LTBP2: variants seen among roughly 807,000 people sequenced by gnomAD.
LTBP2 encodes the protein latent transforming growth factor beta binding protein 2.
A neutral mutation model predicts 210.6 loss-of-function variants in LTBP2; 103 were observed. That is an observed-to-expected ratio of 0.49 (90% CI 0.42 to 0.58). The LOEUF is 0.58. Among genes scored for constraint, LTBP2 ranks in the 20% least tolerant of loss-of-function variants. The pLI is 0.00. For missense variants in LTBP2, 2,313 were observed against 2,494.5 expected (o/e 0.93, Z 1.55); for synonymous variants, 1,007 against 1,015.0 (o/e 0.99, Z 0.15).
chr14:74,509,435 G>A (rs1449013965), intron 21 of LTBP2, 72 bp from the exon 22 acceptor site: 13 of 1,602,622 alleles, frequency 8.1e-6, no homozygotes, highest in East Asian at 6.7e-5. Flanking sequence ...GAACCTCACC[G>A]TGGCTTCCCT....
At chr14:74,568,285 A>G (rs1396953996) in intron 3 of LTBP2, among the ~76,000 whole-genome samples, 2 of 152,158 alleles carry the variant, frequency 1.3e-5, no homozygotes, top group Non-Finnish European at 2.9e-5. Context: ...GCATGCGAGC[A>G]TTTCATAACA....
chr14:74,611,648 G>A lies in LTBP2; in HGVS notation c.297C>T (p.Thr99=). The change falls in exon 1 of 36, where the codon ACC becomes ACT. Residue 99 remains threonine (T), a synonymous_variant. Coordinates refer to ENST00000261978, the MANE Select transcript of LTBP2 (RefSeq NM_000428.3). ...GGGACGGCCTCCTGGCCTCCGCCTC[G>A]GTGGGCCTCCTGGGGCTCCCCCAGC... ...QPGWGSPRRP[T]EAEARRPSRA... is the part of the protein sequence containing the mutation. 1 of 1,557,804 alleles carries A rather than the reference G, an allele frequency of 6.4e-7. No individual in the cohort carries two copies.
At position 74,525,131 on chromosome 14, in the gene LTBP2, G is replaced by A; in HGVS notation, c.2523C>T (p.Ser841=). 7.5e-7 allele frequency: 1 copy of A among 1,328,592 alleles called. No homozygotes were observed. Among genetic ancestry groups the A allele is most frequent in the Non-Finnish European group, 9.7e-7 (1 of 1,029,544 alleles). The allele number at this position is 1,328,592 out of a possible 1,614,324, so 82.3% of individuals were successfully genotyped here. Residue 841 remains serine (S), a synonymous_variant, in exon 15 of 36, where the codon AGC becomes AGT. Coordinates refer to ENST00000261978, the MANE Select transcript of LTBP2 (RefSeq NM_000428.3). ...TPSTDVLVTL[S]TPGIDRCAAG... ...AGGTCTGGCTGCAGCTACCTGGGGT[G>A]CTCAGGGTCACCAGCACATCAGTGG...
intron 8 of LTBP2, among the ~76,000 whole-genome samples, chr14:74,541,834 G>A (rs1386669779): frequency 6.6e-6 from 1 of 152,148 alleles, no homozygotes; most frequent in Admixed American, 6.5e-5. Flanking sequence ...AGTGCTCCAC[G>A]ATGTGCATAA....
Position 74,551,258 on chromosome 14 carries a change from C to A in LTBP2, c.1492G>T (p.Val498Leu), listed in dbSNP as rs1300686724. 3 of 1,610,924 alleles carry A rather than the reference C, an allele frequency of 1.9e-6. No homozygotes were observed. Among genetic ancestry groups the A allele is most frequent in the Non-Finnish European group, 8.5e-7 (1 of 1,178,924 alleles). ...CTGTTCTCCACTAGGGCCTCCTCCA[C>A]CCCGCCCCGCACCTGGGCCACCTGG... ...IHQVAQVRGG[V>L]EEALVENSVE... is the part of the protein sequence containing the mutation. The change falls in exon 7 of 36, where the codon GTG (valine) becomes TTG (leucine). Residue 498 changes from valine to leucine, a missense_variant. Physicochemically the swap from Val to Leu is conservative, Grantham distance 32 (BLOSUM62 1). Around this residue, in one of 3 missense-constraint regions of LTBP2, gnomAD observed 1,867 missense variants for 1,976.9 expected, o/e 0.94. Coordinates refer to ENST00000261978, the MANE Select transcript of LTBP2 (RefSeq NM_000428.3).
intron 15 of LTBP2, among the ~76,000 whole-genome samples, chr14:74,523,570 G>A (rs780682734): frequency 5.3e-5 from 8 of 152,114 alleles, no homozygotes; most frequent in Admixed American, 3.9e-4. Flanking sequence ...GTGATGGGGT[G>A]AGAAGTGGGG....
At chr14:74,534,114 T>C (rs2087388080) in intron 9 of LTBP2, among the ~76,000 whole-genome samples, 2 of 152,148 alleles carry the variant, frequency 1.3e-5, no homozygotes, top group African/African-American at 4.8e-5. Context: ...GGGAAGGTGC[T>C]ACTGAGAAAT....
At chr14:74,546,992 G>A (rs1256226115) in intron 8 of LTBP2, among the ~76,000 whole-genome samples, 3 of 152,174 alleles carry the variant, frequency 2.0e-5, no homozygotes, top group African/African-American at 7.2e-5. Context: ...GTCAGCCCTG[G>A]CTGAGGGCAA....
rs3217475 is a variant in LTBP2, at chr14:74,552,039, GC to G, written c.1399+147del. Reference sequence around the variant, plus strand: ...TGAGAAGTTGAGGGAATGAAACTTAGCGCTGAGGGCCAGGAGAAAGAGGGAG... The same window carrying G: ...TGAGAAGTTGAGGGAATGAAACTTAGGCTGAGGGCCAGGAGAAAGAGGGAG... On this transcript the variant is annotated intron_variant, in intron 6 of 35. Transcript: ENST00000261978. 0.032 allele frequency: 24,289 copies of G among 760,444 alleles called. 696 individuals carry two copies. Among genetic ancestry groups the G allele is most frequent in the East Asian group, 0.089 (3,310 of 37,172 alleles). The allele number at this position is 760,444 out of a possible 1,614,324, so 47.1% of individuals were successfully genotyped here.
At chr14:74,536,898 T>C (rs1383380202) in intron 8 of LTBP2, among the ~76,000 whole-genome samples, 1 of 152,178 alleles carries the variant, frequency 6.6e-6, no homozygotes, top group Non-Finnish European at 1.5e-5. Flanking sequence ...TTTTTATTTG[T>C]CAATTAAAAT....
At position 74,528,497 on chromosome 14, in the gene LTBP2, G is replaced by T. The variant is rs2087304438; in HGVS notation, c.2354C>A (p.Thr785Asn). The change falls in exon 12 of 36, where the codon ACC (threonine) becomes AAC (asparagine). Residue 785 changes from threonine to asparagine, a missense_variant. Thr to Asn is a moderately conservative substitution (Grantham distance 65). Transcript: ENST00000261978. ...AGCTCAGATACCCTTGTCAGGGATG[G>T]TCCCGGCCTCAAGCCAGGTGTCCGT... ...VVTDTWLEAG[T>N]IPDKGDSQAG... 2 of 1,611,808 alleles carry T rather than the reference G, an allele frequency of 1.2e-6. No homozygotes were observed. The highest frequency in any genetic ancestry group is 1.7e-5 in the Admixed American group (1 of 60,008).
intron 3 of LTBP2, among the ~76,000 whole-genome samples, chr14:74,568,264 G>T (rs951045266): frequency 6.6e-6 from 1 of 152,186 alleles, no homozygotes; most frequent in Admixed American, 6.5e-5. Context: ...GCAGCCCCGG[G>T]CCAGCCCCCT....
chr14:74,609,767 CT>C (rs2088578811), intron 1 of LTBP2, among the ~76,000 whole-genome samples: 1 of 152,254 alleles, frequency 6.6e-6, no homozygotes. Flanking sequence ...CCTTCCAGTA[CT>C]AGAAAGCATC....
At chr14:74,556,819 G>GT (rs1566637458) in intron 3 of LTBP2, among the ~76,000 whole-genome samples, 1 of 152,254 alleles carries the variant, frequency 6.6e-6, no homozygotes, top group East Asian at 1.9e-4. Flanking sequence ...CACCTGGACT[G>GT]TTTTTAAGTT....
rs12100906 is a variant in LTBP2 at position 74,504,219 on chromosome 14, C to T, written c.4454-165G>A. Among the ~76,000 whole-genome samples the T allele has an allele frequency of 0.012, 1,847 of 152,274 alleles. 32 individuals carry two copies. The highest frequency in any genetic ancestry group is 0.043 in the African/African-American group (1,776 of 41,530). On this transcript the variant is annotated intron_variant, in intron 30 of 35. Coordinates refer to ENST00000261978, the MANE Select transcript of LTBP2 (RefSeq NM_000428.3). ...GCCTTGCCTCCGGTTCCTACATACT[C>T]TTAGAGTTGTTGTAAGGATGAAAAG...
intron 3 of LTBP2, among the ~76,000 whole-genome samples, chr14:74,570,425 C>A (rs1378994786): frequency 6.6e-6 from 1 of 152,210 alleles, no homozygotes; most frequent in Non-Finnish European, 1.5e-5. Context: ...AGCTAGGGAC[C>A]TGGGTCAAAG....
At chr14:74,598,135 C>T (rs908649390) in intron 2 of LTBP2, among the ~76,000 whole-genome samples, 4 of 152,222 alleles carry the variant, frequency 2.6e-5, no homozygotes, top group African/African-American at 9.6e-5. Context: ...AGGGTTTGAA[C>T]TCAGGGAGCC....
chr14:74,506,880 C>CGTGCGCAT, intron 26 of LTBP2, 57 bp from the exon 27 acceptor site: 6 of 1,514,182 alleles, frequency 4.0e-6, no homozygotes, highest in Middle Eastern at 1.9e-4. Context: ...TGTGTGTGTG[C>CGTGCGCAT]GCGCGCGCGT....
Position 74,536,000 on chromosome 14 carries a change from G to A in LTBP2, c.1790C>T (p.Ala597Val), listed in dbSNP as rs556389409. ...TLCAPCPPRP[A>V]SPVIENGQLE... ...CTGGCCATTCTCAATCACCGGGGAGGCTGAAGAGTGGAGATACGGACAGGT... is the reference window on the plus strand; with the variant it reads ...CTGGCCATTCTCAATCACCGGGGAGACTGAAGAGTGGAGATACGGACAGGT... Residue 597 changes from alanine to valine, a missense_variant and splice_region_variant, in exon 9 of 36, where the codon GCC becomes GTC. By Grantham distance (64) the Ala-to-Val change is moderately conservative (BLOSUM62 0). Coordinates refer to ENST00000261978, the MANE Select transcript of LTBP2 (RefSeq NM_000428.3). 8.7e-6 allele frequency: 14 copies of A among 1,613,942 alleles called. No individual in the cohort carries two copies. The Admixed American group carries it at 2.3e-4, about 27-fold the overall frequency.
Sources: allele counts gnomAD v4.1 joint callset (sites outside exome capture counted in the v4.1 genomes callset), GRCh38; gene constraint gnomAD v4.1.1; regional missense constraint gnomAD v4.1.1; transcripts MANE v1.5; gene names NCBI Gene and HGNC (gene_info 2026-07-23, HGNC 2026-07-21).